Variants in MACF1 observed in about 807,000 individuals in gnomAD.
The protein encoded by MACF1 is microtubule actin crosslinking factor 1.
Under a neutral mutation model 854.8 loss-of-function variants are expected in MACF1, and 193 were observed. The ratio of observed to expected loss-of-function variants is 0.23; its 90% CI spans 0.20 to 0.25. MACF1 has a LOEUF of 0.25. MACF1 is among the 10% of genes least tolerant of loss of function. The pLI, the probability that MACF1 is intolerant of heterozygous loss-of-function variation, is 1.00. For synonymous variants in MACF1, 3,185 were observed against 3,226.7 expected (o/e 0.99, Z 0.44); for missense variants, 7,722 against 8,929.1 (o/e 0.86, Z 5.45).
chr1:39,256,204 G>C (rs1012960494), intron 5 of MACF1, among the ~76,000 whole-genome samples: 2 of 152,200 alleles, frequency 1.3e-5, no homozygotes, highest in Non-Finnish European at 2.9e-5. Flanking sequence ...GGTTAGCAGA[G>C]ATTGGAAGGT....
chr1:39,477,118 G>GTATATATATA (rs1170894300), intron 97 of MACF1, among the ~76,000 whole-genome samples: 1 of 24,576 alleles, frequency 4.1e-5, no homozygotes, highest in Non-Finnish European at 7.7e-5. Flanking sequence ...TACACTTAGT[G>GTATATATATA]TATATATATA....
At chr1:39,355,446 C>CT (rs941534339) in intron 44 of MACF1, among the ~76,000 whole-genome samples, 18 of 125,956 alleles carry the variant, frequency 1.4e-4, no homozygotes, top group Non-Finnish European at 2.6e-4. Context: ...TTCCAGCTTT[C>CT]TTTTTTTCTT....
intron 45 of MACF1, 77 bp downstream of exon 45, chr1:39,357,970 C>G: frequency 1.4e-6 from 2 of 1,431,656 alleles, no homozygotes; most frequent in Non-Finnish European, 1.9e-6. Flanking sequence ...GTCTGGGGCT[C>G]AGAATAAGAA....
chr1:39,429,609 G>A lies in MACF1; in HGVS notation c.16889-218G>A, dbSNP rs682571. Among the ~76,000 whole-genome samples, 28,019 of 151,934 alleles carry A rather than the reference G, an allele frequency of 0.18. 4,323 individuals carry two copies. The highest frequency in any genetic ancestry group is 0.43 in the African/African-American group (17,750 of 41,382). ...CTGGAAACATCTAGAAACACTTGAC[G>A]CTGAACTCAGATTTTAATAATTCAG... On this transcript the variant is annotated intron_variant, in intron 64 of 100. Coordinates refer to ENST00000564288, the MANE Select transcript of MACF1 (RefSeq NM_001394062.1).
At chr1:39,288,988 ATTGT>A (rs1645712001) in intron 15 of MACF1, among the ~76,000 whole-genome samples, 2 of 152,122 alleles carry the variant, frequency 1.3e-5, no homozygotes, top group South Asian at 2.1e-4. Context: ...GAGAACATGC[ATTGT>A]TTGTCTTTCT....
chr1:39,337,367 T>C, intron 38 of MACF1, 36 bp downstream of exon 38: 1 of 1,605,450 alleles, frequency 6.2e-7, no homozygotes, highest in Non-Finnish European at 8.5e-7. Flanking sequence ...AGACACCAGC[T>C]TCAAGATAGC....
chr1:39,216,454 T>C (rs1164751943), intron 1 of MACF1, among the ~76,000 whole-genome samples: 1 of 152,260 alleles, frequency 6.6e-6, no homozygotes, highest in East Asian at 1.9e-4. Flanking sequence ...AGGAGCAAAA[T>C]TGTGACCCAA....
intron 2 of MACF1, among the ~76,000 whole-genome samples, chr1:39,192,428 T>C (rs777674730): frequency 4.6e-5 from 7 of 152,144 alleles, no homozygotes; most frequent in Non-Finnish European, 1.0e-4. Context: ...CACAAAACCA[T>C]AAATACTGAC....
intron 1 of MACF1, among the ~76,000 whole-genome samples, chr1:39,208,729 A>G (rs1644481902): frequency 6.6e-6 from 1 of 152,050 alleles, no homozygotes; most frequent in African/African-American, 2.4e-5. Context: ...GGTTCAAGCG[A>G]TTCTCCTGCC....
chr1:39,339,167 TTTGCCTGAGCCCA>T (rs1474793149), intron 38 of MACF1, among the ~76,000 whole-genome samples: 3 of 151,944 alleles, frequency 2.0e-5, no homozygotes, highest in Admixed American at 1.3e-4. Context: ...GGCAGGAGGA[TTTGCCTGAGCCCA>T]GGAGTTTGAG....
At chr1:39,291,689 A>G (rs1025525387) in intron 15 of MACF1, among the ~76,000 whole-genome samples, 1 of 152,198 alleles carries the variant, frequency 6.6e-6, no homozygotes, top group African/African-American at 2.4e-5. Flanking sequence ...TGCAGCAGCA[A>G]AAGGCTGCTC....
At position 39,430,914 on chromosome 1, in the gene MACF1, G is replaced by A; in HGVS notation, c.17337+6G>A. The A allele has an allele frequency of 6.2e-7, 1 of 1,605,556 alleles. No individual in the cohort carries two copies. Among genetic ancestry groups the A allele is most frequent in the Non-Finnish European group, 8.5e-7 (1 of 1,173,934 alleles). Reference sequence around the variant, plus strand: ...CTATTCAGAGATCACAACAGGTAATGCTTATAATACCTCTGCATTAATATT... The same window carrying A: ...CTATTCAGAGATCACAACAGGTAATACTTATAATACCTCTGCATTAATATT... On this transcript the variant is annotated splice_donor_region_variant and intron_variant, in intron 66 of 100. Coordinates refer to ENST00000564288, the MANE Select transcript of MACF1 (RefSeq NM_001394062.1).
At chr1:39,154,519 T>C (rs962168913) in intron 2 of MACF1, among the ~76,000 whole-genome samples, 1 of 152,108 alleles carries the variant, frequency 6.6e-6, no homozygotes, top group Non-Finnish European at 1.5e-5. Flanking sequence ...AGGAGAAAGA[T>C]TGCTTCAAAG....
chr1:39,479,029 A>G (rs556932071), intron 97 of MACF1, among the ~76,000 whole-genome samples: 1 of 152,324 alleles, frequency 6.6e-6, no homozygotes, highest in South Asian at 2.1e-4. Context: ...AGATCTTCCT[A>G]TGGAATCCAC....
intron 2 of MACF1, among the ~76,000 whole-genome samples, chr1:39,107,829 C>G (rs545285036): frequency 2.0e-5 from 3 of 152,290 alleles, no homozygotes; most frequent in African/African-American, 7.2e-5. Context: ...GGATCTCTCT[C>G]TGCTGCTATT....
At position 39,380,384 on chromosome 1, in the gene MACF1, A is replaced by C; in HGVS notation, c.13648+11A>C. 1.2e-6 allele frequency: 2 copies of C among 1,609,186 alleles called. No individual in the cohort carries two copies. The highest frequency in any genetic ancestry group is 1.7e-6 in the Non-Finnish European group (2 of 1,178,244). ...TTCAGGAAGAACTCAGTAAGTTTTC[A>C]CAAGAGTGTTACAAATTTGCTAAGT... On this transcript the variant is annotated intron_variant, in intron 55 of 100. Coordinates refer to ENST00000564288, the MANE Select transcript of MACF1 (RefSeq NM_001394062.1).
intron 1 of MACF1, among the ~76,000 whole-genome samples, chr1:39,225,217 C>CTTTTCTTT (rs1553171338): frequency 8.0e-6 from 1 of 125,198 alleles, no homozygotes; most frequent in Non-Finnish European, 1.6e-5. Flanking sequence ...TTTCTTTTTT[C>CTTTTCTTT]TTTTTTTTTT....
At chr1:39,295,221 A>G in intron 19 of MACF1, 71 bp downstream of exon 19, 1 of 1,250,632 alleles carries the variant, frequency 8.0e-7, no homozygotes, top group Non-Finnish European at 1.2e-6. Context: ...CAAATTAGAG[A>G]CTTTGTTCCA....
At chr1:39,183,266 A>T (rs1187383014) in intron 2 of MACF1, among the ~76,000 whole-genome samples, 1 of 152,210 alleles carries the variant, frequency 6.6e-6, no homozygotes, top group African/African-American at 2.4e-5. Context: ...CTAAAGTTAG[A>T]TAATGGTGAT....
Sources: allele counts gnomAD v4.1 joint callset (sites outside exome capture counted in the v4.1 genomes callset), GRCh38; gene constraint gnomAD v4.1.1; transcripts MANE v1.5; gene names NCBI Gene and HGNC (gene_info 2026-07-23, HGNC 2026-07-21).